NUDCD3: variants seen among roughly 807,000 people sequenced by gnomAD.
NUDCD3 encodes the protein nudC domain-containing protein 3.
NUDCD3 carries 13 observed loss-of-function variants against 39.7 expected under a neutral mutation model. The ratio of observed to expected loss-of-function variants is 0.33; its 90% confidence interval spans 0.21 to 0.52. The LOEUF is 0.52. Ranked by LOEUF, NUDCD3 falls within the 20% of genes least tolerant of loss-of-function variation. NUDCD3 has a pLI of 0.96. For missense variants in NUDCD3, 453 were observed against 458.1 expected (o/e 0.99, Z 0.10); for synonymous variants, 175 against 172.4 (o/e 1.02, Z -0.12).
intron 2 of NUDCD3, among the ~76,000 whole-genome samples, chr7:44,429,535 C>T (rs1190333310): frequency 6.6e-6 from 1 of 152,182 alleles, no homozygotes; most frequent in African/African-American, 2.4e-5. Context: ...CAGACTTCCC[C>T]TCTAGGAACT....
intron 4 of NUDCD3, among the ~76,000 whole-genome samples, chr7:44,393,841 G>C (rs1327316112): frequency 6.6e-6 from 1 of 152,140 alleles, no homozygotes; most frequent in East Asian, 1.9e-4. Context: ...GCCACACTCA[G>C]GGTAACTGTG....
intron 2 of NUDCD3, among the ~76,000 whole-genome samples, chr7:44,442,246 G>A (rs1005020188): frequency 1.3e-5 from 2 of 152,266 alleles, no homozygotes; most frequent in African/African-American, 2.4e-5. Flanking sequence ...TCAGCATAGG[G>A]CTTTTTAAAA....
rs2116845589 is a variant in NUDCD3 at position 44,379,189 on chromosome 7, A to T, written c.*6822T>A. 6.6e-6 allele frequency: 1 copy of T among 152,156 alleles called. No homozygotes were observed. Among genetic ancestry groups the T allele is most frequent in the Non-Finnish European group, 1.5e-5 (1 of 68,060 alleles). 9.4% of individuals were successfully genotyped at this position (152,156 alleles called of 1,614,324 possible). A position where few individuals can be genotyped will look rare whatever the true frequency, so the allele number is the denominator to read the frequency against. On this transcript the variant is annotated 3_prime_UTR_variant, in exon 6 of 6. Transcript: ENST00000355451. ...ACCATCAAGCCAGGCACAGTGGTGC[A>T]CACTTACAGTCCCAGCTACTTGGGA...
intron 2 of NUDCD3, among the ~76,000 whole-genome samples, chr7:44,454,575 C>G (rs973892149): frequency 6.6e-6 from 1 of 152,202 alleles, no homozygotes; most frequent in African/African-American, 2.4e-5. Flanking sequence ...CAACTGTGAA[C>G]TGGCAAACTG....
intron 4 of NUDCD3, among the ~76,000 whole-genome samples, chr7:44,404,153 C>G (rs1798773864): frequency 6.6e-6 from 1 of 152,208 alleles, no homozygotes; most frequent in Non-Finnish European, 1.5e-5. Context: ...AGAGTAGCAT[C>G]TGTAAAAATT....
rs1798284477 is a variant in NUDCD3 at position 44,380,269 on chromosome 7, C to T, written c.*5742G>A. ...CTCCTTAGGCCTGTTGCCCCTTCCT[C>T]TCTAGACCCTCTGCCTGCCAGGTGT... is the stretch of plus-strand genomic sequence containing the variant. On this transcript the variant is annotated 3_prime_UTR_variant, in exon 6 of 6. Transcript: ENST00000355451. 6.5e-6 allele frequency: 1 copy of T among 152,676 alleles called. No individual in the cohort carries two copies. 9.5% of individuals were successfully genotyped at this position (152,676 alleles called of 1,614,324 possible).
chr7:44,481,508 TC>T (rs1800490462), intron 2 of NUDCD3: 1 of 152,246 alleles, frequency 6.6e-6, no homozygotes, highest in Non-Finnish European at 1.5e-5. Context: ...TTAACTTGCA[TC>T]ACATCCACAA....
At chr7:44,432,476 A>G (rs191638304) in intron 2 of NUDCD3, among the ~76,000 whole-genome samples, 305 of 152,346 alleles carry the variant, frequency 2.0e-3, no homozygotes, top group African/African-American at 7.1e-3. Context: ...GAGAATGCCT[A>G]TGATAGGCAC....
chr7:44,418,890 C>A (rs1278030265), intron 3 of NUDCD3, among the ~76,000 whole-genome samples: 1 of 152,206 alleles, frequency 6.6e-6, no homozygotes, highest in Non-Finnish European at 1.5e-5. Flanking sequence ...AGATACTAAG[C>A]TTTTCCCAAG....
chr7:44,392,254 A>G, intron 5 of NUDCD3, 43 bp downstream of exon 5: 1 of 1,578,514 alleles, frequency 6.3e-7, no homozygotes, highest in East Asian at 2.2e-5. Flanking sequence ...TCACCAGCAC[A>G]AGGGCCTAAA....
At chr7:44,433,696 T>C (rs1799412617) in intron 2 of NUDCD3, among the ~76,000 whole-genome samples, 1 of 152,128 alleles carries the variant, frequency 6.6e-6, no homozygotes. Flanking sequence ...TCTTATCAAT[T>C]TTCTTCTCAT....
intron 3 of NUDCD3, among the ~76,000 whole-genome samples, chr7:44,409,294 T>G (rs922888918): frequency 6.6e-6 from 1 of 152,156 alleles, no homozygotes; most frequent in East Asian, 1.9e-4. Flanking sequence ...CTCCAACAGG[T>G]AGATGAAGCC....
At chr7:44,475,743 G>T (rs1158034469) in intron 2 of NUDCD3, among the ~76,000 whole-genome samples, 1 of 151,802 alleles carries the variant, frequency 6.6e-6, no homozygotes, top group African/African-American at 2.4e-5. Flanking sequence ...TTCCAGCCTG[G>T]GCAACAGAGT....
intron 2 of NUDCD3, among the ~76,000 whole-genome samples, chr7:44,434,902 C>T (rs1398184389): frequency 6.6e-6 from 1 of 152,152 alleles, no homozygotes; most frequent in Non-Finnish European, 1.5e-5. Context: ...GAGGAACAAA[C>T]CATTTAAAAT....
chr7:44,473,853 T>C (rs1022729830), intron 2 of NUDCD3, among the ~76,000 whole-genome samples: 1 of 152,008 alleles, frequency 6.6e-6, no homozygotes, highest in Non-Finnish European at 1.5e-5. Context: ...CAAATAAATT[T>C]TGAGGGAAAA....
At chr7:44,486,139 TAAG>T (rs1165862812) in intron 1 of NUDCD3, among the ~76,000 whole-genome samples, 2 of 152,218 alleles carry the variant, frequency 1.3e-5, no homozygotes, top group African/African-American at 4.8e-5. Context: ...GCCACAGCTC[TAAG>T]AATAGGCTTG....
intron 4 of NUDCD3, among the ~76,000 whole-genome samples, chr7:44,393,901 G>A (rs891256103): frequency 6.6e-6 from 1 of 152,134 alleles, no homozygotes; most frequent in Non-Finnish European, 1.5e-5. Context: ...CCCCCCAAGA[G>A]GGAGCACTGG....
chr7:44,401,437 G>C (rs190664453), intron 4 of NUDCD3, among the ~76,000 whole-genome samples: 7 of 152,214 alleles, frequency 4.6e-5, no homozygotes, highest in Non-Finnish European at 8.8e-5. Flanking sequence ...TACTGCAGTA[G>C]AGGCTACGTG....
intron 2 of NUDCD3, among the ~76,000 whole-genome samples, chr7:44,442,477 G>A (rs1799604383): frequency 6.6e-6 from 1 of 152,102 alleles, no homozygotes; most frequent in East Asian, 1.9e-4. Context: ...GTATGCACCT[G>A]GGGGACCCAG....
Sources: allele counts gnomAD v4.1 joint callset (sites outside exome capture counted in the v4.1 genomes callset), GRCh38; gene constraint gnomAD v4.1.1; transcripts MANE v1.5; gene names NCBI Gene and HGNC (gene_info 2026-07-23, HGNC 2026-07-21).